The following CARS2 variants were observed in gnomAD, a reference collection of about 807,000 sequenced individuals.
The protein encoded by CARS2 is cysteinyl-tRNA synthetase 2, mitochondrial.
Under a neutral mutation model 68.8 loss-of-function variants are expected in CARS2, and 52 were observed. That is an observed-to-expected ratio of 0.76 (90% CI 0.61 to 0.95). CARS2 has a LOEUF of 0.95. Among genes scored for constraint, CARS2 ranks in the 40% least tolerant of loss-of-function variants. The pLI is 0.00. For synonymous variants in CARS2, 314 were observed against 303.6 expected (o/e 1.03, Z -0.36); for missense variants, 780 against 754.2 (o/e 1.03, Z -0.40).
chr13:110,657,960 C>A (rs1353686286), intron 9 of CARS2, among the ~76,000 whole-genome samples: 1 of 152,184 alleles, frequency 6.6e-6, no homozygotes, highest in Non-Finnish European at 1.5e-5. Flanking sequence ...AAAGCTTCTA[C>A]CTGGATCAAA....
At position 110,665,234 on chromosome 13, in the gene CARS2, T is replaced by A; in HGVS notation, c.920-1716A>T. ...GGCAGAGGTGGCAGATCACTTGAGG[T>A]CAGGGGTTTGAGCCCAGCCTGGCCA... is the stretch of plus-strand genomic sequence containing the variant. On this transcript the variant is annotated intron_variant, in intron 8 of 14. Transcript: ENST00000257347. The surrounding 1 kb of genome is among the most constrained non-coding windows in gnomAD (Gnocchi z 4.3). 1 of 895,008 alleles carries A rather than the reference T, an allele frequency of 1.1e-6. No homozygotes were observed. Among genetic ancestry groups the A allele is most frequent in the Non-Finnish European group, 1.3e-6 (1 of 747,468 alleles). The allele number at this position is 895,008 out of a possible 1,614,324, so 55.4% of individuals were successfully genotyped here.
At chr13:110,712,535 G>GGGC in intron 1 of CARS2, 1 of 315,046 alleles carries the variant, frequency 3.2e-6, no homozygotes, top group South Asian at 2.6e-5. Context: ...CCGGAAGGGG[G>GGGC]GGGGCCGGCG....
chr13:110,677,286 G>A (rs1444664917), intron 6 of CARS2, among the ~76,000 whole-genome samples, 183 bp from the exon 7 acceptor site: 2 of 23,626 alleles, frequency 8.5e-5, no homozygotes, highest in African/African-American at 1.8e-4. Flanking sequence ...CCCCCACCAC[G>A]GAAACACAGA....
chr13:110,699,874 C>T (rs1451317752), intron 3 of CARS2, among the ~76,000 whole-genome samples: 1 of 152,262 alleles, frequency 6.6e-6, no homozygotes, highest in Non-Finnish European at 1.5e-5. Context: ...TCCAATGTCC[C>T]ACCTGCCTGT....
intron 7 of CARS2, among the ~76,000 whole-genome samples, chr13:110,671,567 C>A (rs2062804010): frequency 6.6e-6 from 1 of 152,128 alleles, no homozygotes; most frequent in African/African-American, 2.4e-5. Context: ...GAAGGAAGCA[C>A]TAAACATGGA....
upstream of CARS2, chr13:110,707,501 G>A (rs768524156): frequency 3.3e-5 from 5 of 152,106 alleles, no homozygotes; most frequent in Non-Finnish European, 7.3e-5. Flanking sequence ...ACACAAATTA[G>A]CCGGGCGTGG....
intron 3 of CARS2, chr13:110,689,006 TC>T (rs1400540253): frequency 1.3e-5 from 2 of 154,190 alleles, no homozygotes; most frequent in African/African-American, 4.8e-5. Flanking sequence ...GAGTACTCAT[TC>T]CCTCGGGTCC....
chr13:110,688,326 G>C (rs185825838), intron 3 of CARS2, among the ~76,000 whole-genome samples: 1 of 152,342 alleles, frequency 6.6e-6, no homozygotes, highest in East Asian at 1.9e-4. Flanking sequence ...GCTCACGCCT[G>C]TAATCCCAAC....
chr13:110,663,469 C>T lies in CARS2; in HGVS notation c.969G>A (p.Lys323=), dbSNP rs1221505948. ...GKEEKMSKSL[K]NYITIKDFLK... ...ACGTTACCTTAATAGTAATGTAGTTCTTTAATGATTTGGACATTTTTTCTT... is the reference window on the plus strand; with the variant it reads ...ACGTTACCTTAATAGTAATGTAGTTTTTTAATGATTTGGACATTTTTTCTT... Residue 323 remains lysine, a synonymous_variant, in exon 9 of 15, where the codon AAG becomes AAA. Coordinates refer to ENST00000257347, the MANE Select transcript of CARS2 (RefSeq NM_024537.4). 6.2e-7 allele frequency: 1 copy of T among 1,613,754 alleles called. No individual in the cohort carries two copies. Among genetic ancestry groups the T allele is most frequent in the Non-Finnish European group, 8.5e-7 (1 of 1,179,872 alleles).
intron 6 of CARS2, among the ~76,000 whole-genome samples, chr13:110,679,118 G>A (rs73616058): frequency 0.058 from 8,316 of 144,392 alleles, 781 homozygotes; most frequent in African/African-American, 0.2. Context: ...GAGCAGATGC[G>A]TTCATTACCT....
upstream of CARS2, among the ~76,000 whole-genome samples, chr13:110,708,060 G>A (rs1273585214): frequency 2.0e-5 from 3 of 152,132 alleles, no homozygotes; most frequent in Admixed American, 6.5e-5. Flanking sequence ...CCAGTGCTGT[G>A]TGTATATTTA....
At chr13:110,680,157 G>A (rs775669344) in intron 6 of CARS2, among the ~76,000 whole-genome samples, 12 of 150,658 alleles carry the variant, frequency 8.0e-5, no homozygotes, top group South Asian at 2.1e-4. Flanking sequence ...AGGGGGGGGG[G>A]GGGGGGGGTG....
At position 110,642,232 on chromosome 13, in the gene CARS2, A is replaced by G. The variant is rs1887437882; in HGVS notation, c.1623+83T>C. 1.1e-5 allele frequency: 12 copies of G among 1,046,156 alleles called. No homozygotes were observed. The East Asian group carries it at 1.3e-4, about 11-fold the overall frequency. 64.8% of individuals were successfully genotyped at this position (1,046,156 alleles called of 1,614,324 possible). ...CAAAAAAAAAGCATGGTCACGGGGG[A>G]TGTCTGGGCCTCTGATGGCCCCACG... On this transcript the variant is annotated intron_variant, in intron 14 of 14. Coordinates refer to ENST00000257347, the MANE Select transcript of CARS2 (RefSeq NM_024537.4).
chr13:110,644,569 T>G, intron 12 of CARS2, 86 bp from the exon 13 acceptor site: 1 of 1,576,474 alleles, frequency 6.3e-7, no homozygotes, highest in Non-Finnish European at 8.6e-7. Context: ...AGACAAAGGC[T>G]TCAGCAGGTC....
At chr13:110,644,097 T>C (rs954832301) in intron 13 of CARS2, 1 of 1,330,062 alleles carries the variant, frequency 7.5e-7, no homozygotes, top group Non-Finnish European at 9.9e-7. Context: ...TCTGAGAGTC[T>C]TTGAACATAA....
intron 5 of CARS2, among the ~76,000 whole-genome samples, chr13:110,685,992 G>GAAAAAAAAAAAAAAAAGAA (rs10668818): frequency 3.1e-5 from 4 of 128,730 alleles, no homozygotes; most frequent in East Asian, 2.2e-4. Flanking sequence ...CAGAAAAAAT[G>GAAAAAAAAAAAAAAAAGAA]AAAAAAAAAA....
Position 110,687,990 on chromosome 13 carries a change from C to A in CARS2, c.422G>T (p.Ser141Ile). The A allele has an allele frequency of 4.3e-6, 7 of 1,612,480 alleles. No homozygotes were observed. Among genetic ancestry groups the A allele is most frequent in the Non-Finnish European group, 5.9e-6 (7 of 1,179,534 alleles). ...EMNISPASLASLYEEDFKQDM... is the reference protein window; with the variant it reads ...EMNISPASLAILYEEDFKQDM... The stretch of plus-strand genomic sequence containing the variant: ...CTGCTTGAAGTCTTCCTCATAAAGA[C>A]TGGCGAGGGAAGCGGGGGAAATATT... The change falls in exon 4 of 15, where the codon AGT (serine) becomes ATT (isoleucine). Residue 141 changes from serine (S) to isoleucine (I), a missense_variant. Transcript: ENST00000257347.
intron 3 of CARS2, among the ~76,000 whole-genome samples, chr13:110,698,213 T>C (rs774008386): frequency 3.0e-4 from 45 of 151,192 alleles, no homozygotes; most frequent in Non-Finnish European, 5.6e-4. Context: ...TATATGTATA[T>C]TTTTTTTTCA....
At chr13:110,654,688 C>T (rs1016618054) in intron 9 of CARS2, among the ~76,000 whole-genome samples, 15 of 151,916 alleles carry the variant, frequency 9.9e-5, no homozygotes, top group African/African-American at 3.6e-4. Context: ...GAGGCTAAGG[C>T]AGGAGGATTG....
Sources: allele counts gnomAD v4.1 joint callset (sites outside exome capture counted in the v4.1 genomes callset), GRCh38; gene constraint gnomAD v4.1.1; non-coding constraint Gnocchi (gnomAD v3.1); transcripts MANE v1.5; gene names NCBI Gene and HGNC (gene_info 2026-07-23, HGNC 2026-07-21).